HSF2BP: variants seen among roughly 807,000 people sequenced by gnomAD.
The protein encoded by HSF2BP is heat shock factor 2-binding protein.
A neutral mutation model predicts 35.0 loss-of-function variants in HSF2BP; 35 were observed. The ratio of observed to expected loss-of-function variants is 1.00; its 90% CI spans 0.76 to 1.32. The LOEUF (loss-of-function observed/expected upper bound fraction) is 1.32. Ranked by LOEUF, HSF2BP falls within the 40% of genes most tolerant of loss-of-function variation. HSF2BP has a pLI of 0.00. For missense variants in HSF2BP, 326 were observed against 321.7 expected (o/e 1.01, Z -0.10); for synonymous variants, 114 against 117.4 (o/e 0.97, Z 0.18).
chr21:43,614,214 A>T (rs2082243769), intron 6 of HSF2BP, among the ~76,000 whole-genome samples: 1 of 151,996 alleles, frequency 6.6e-6, no homozygotes, highest in South Asian at 2.1e-4. Flanking sequence ...AAATTTAAAA[A>T]TTAGCCGGGC....
At chr21:43,604,217 C>CACACCACA (rs2082085794) in intron 7 of HSF2BP, among the ~76,000 whole-genome samples, 1 of 147,326 alleles carries the variant, frequency 6.8e-6, no homozygotes, top group Non-Finnish European at 1.5e-5. Context: ...CACCACAGCA[C>CACACCACA]ACAGCACACA....
chr21:43,633,178 T>A, intron 5 of HSF2BP, 94 bp downstream of exon 5: 1 of 1,327,074 alleles, frequency 7.5e-7, no homozygotes, highest in Non-Finnish European at 1.0e-6. Context: ...TGGAAAGATA[T>A]GGACTTAGTC....
intron 6 of HSF2BP, 103 bp from the exon 7 acceptor site, chr21:43,614,050 A>G (rs967981379): frequency 3.7e-6 from 3 of 806,296 alleles, no homozygotes; most frequent in East Asian, 2.6e-5. Flanking sequence ...TAATGAAAAC[A>G]CAGCTGAAAA....
intron 8 of HSF2BP, among the ~76,000 whole-genome samples, chr21:43,581,413 A>T (rs1568883782): frequency 6.6e-6 from 1 of 151,872 alleles, no homozygotes; most frequent in African/African-American, 2.4e-5. Context: ...GAAAAGAAAG[A>T]AGGATAAAAG....
At chr21:43,647,552 G>A (rs1203534175) in intron 3 of HSF2BP, among the ~76,000 whole-genome samples, 1 of 152,092 alleles carries the variant, frequency 6.6e-6, no homozygotes, top group African/African-American at 2.4e-5. Flanking sequence ...CTTAATACAG[G>A]TCTAATAACA....
intron 7 of HSF2BP, among the ~76,000 whole-genome samples, chr21:43,599,867 CAA>C (rs11379827): frequency 1.2e-4 from 16 of 132,480 alleles, no homozygotes; most frequent in Admixed American, 2.3e-4. Context: ...CTTCCAATGA[CAA>C]AAAAAAAAAA....
chr21:43,647,184 T>C (rs2082719895), intron 3 of HSF2BP, among the ~76,000 whole-genome samples: 1 of 152,174 alleles, frequency 6.6e-6, no homozygotes, highest in Admixed American at 6.5e-5. Context: ...GAACAGTGAA[T>C]ATTACAAACA....
chr21:43,574,604 G>A (rs548493805), intron 8 of HSF2BP, among the ~76,000 whole-genome samples: 18 of 152,218 alleles, frequency 1.2e-4, no homozygotes, highest in South Asian at 2.1e-4. Context: ...TGATCCGCCC[G>A]CCTCGGCCTC....
Position 43,659,198 on chromosome 21 carries a change from G to A in HSF2BP, c.-225+188C>T, listed in dbSNP as rs1452919539. On this transcript the variant is annotated intron_variant, in intron 1 of 8. Transcript: ENST00000291560. This position sits in a 1 kb window ranked among gnomAD's most constrained non-coding sequence, Gnocchi z 4.2. The stretch of plus-strand genomic sequence containing the variant: ...TGTAGTCTCAGCTACTTGGGCGGTC[G>A]AGATGGGAGGATCGATCGAGTCTGG... Among the ~76,000 whole-genome samples, 1 of 152,048 alleles carries A rather than the reference G, an allele frequency of 6.6e-6. No homozygotes were observed. The highest frequency in any genetic ancestry group is 1.5e-5 in the Non-Finnish European group (1 of 68,006).
chr21:43,647,257 C>T (rs573569305), intron 3 of HSF2BP, among the ~76,000 whole-genome samples: 7 of 151,762 alleles, frequency 4.6e-5, no homozygotes, highest in African/African-American at 1.7e-4. Flanking sequence ...TTTTTTTCCC[C>T]GAGACGGTGT....
At chr21:43,579,240 C>T (rs887504509) in intron 8 of HSF2BP, among the ~76,000 whole-genome samples, 2 of 152,194 alleles carry the variant, frequency 1.3e-5, no homozygotes, top group Non-Finnish European at 2.9e-5. Flanking sequence ...CCTAAACACC[C>T]AGATCCTTCA....
intron 2 of HSF2BP, among the ~76,000 whole-genome samples, chr21:43,657,577 C>A (rs2082890141): frequency 6.6e-6 from 1 of 152,240 alleles, no homozygotes; most frequent in Non-Finnish European, 1.5e-5. Context: ...ACTCTCAATG[C>A]AGCACAATTA....
At chr21:43,612,777 G>A (rs1247517360) in intron 7 of HSF2BP, among the ~76,000 whole-genome samples, 2 of 152,062 alleles carry the variant, frequency 1.3e-5, no homozygotes, top group Non-Finnish European at 2.9e-5. Context: ...GCCAGCCTAG[G>A]CAAGGTCTGT....
At chr21:43,632,757 G>A (rs897830034) in intron 5 of HSF2BP, among the ~76,000 whole-genome samples, 2 of 152,190 alleles carry the variant, frequency 1.3e-5, no homozygotes, top group African/African-American at 2.4e-5. Context: ...AACGATTTAT[G>A]TTGTCAGTAA....
At chr21:43,607,055 A>G (rs968982151) in intron 7 of HSF2BP, among the ~76,000 whole-genome samples, 2 of 152,066 alleles carry the variant, frequency 1.3e-5, no homozygotes, top group Non-Finnish European at 2.9e-5. Context: ...GGGAAGAGCC[A>G]AGGAAGGCGG....
intron 7 of HSF2BP, among the ~76,000 whole-genome samples, chr21:43,612,650 CAAAAAA>C (rs762585967): frequency 3.9e-5 from 3 of 76,520 alleles, no homozygotes; most frequent in Middle Eastern, 7.6e-3. Context: ...GACTCCGTCT[CAAAAAA>C]AAAAAAAAAA....
chr21:43,575,522 T>TA (rs2081632057), intron 8 of HSF2BP, among the ~76,000 whole-genome samples: 1 of 152,240 alleles, frequency 6.6e-6, no homozygotes, highest in Non-Finnish European at 1.5e-5. Context: ...AAAAATAACT[T>TA]ACACTTGACT....
intron 8 of HSF2BP, among the ~76,000 whole-genome samples, chr21:43,586,847 C>T (rs986116855): frequency 2.0e-5 from 3 of 151,922 alleles, no homozygotes; most frequent in East Asian, 1.9e-4. Context: ...GTTGCCCAGA[C>T]TGAAGTGCAG....
chr21:43,605,141 C>T (rs2082116614), intron 7 of HSF2BP, among the ~76,000 whole-genome samples: 2 of 150,954 alleles, frequency 1.3e-5, no homozygotes, highest in African/African-American at 4.9e-5. Context: ...ACCACACACA[C>T]ATCAGACACA....
Sources: gnomAD v4.1 joint callset for allele counts (sites outside exome capture counted in the v4.1 genomes callset) on GRCh38, gnomAD v4.1.1 for gene constraint, Gnocchi (gnomAD v3.1) non-coding constraint, MANE v1.5 for transcripts, NCBI Gene and HGNC (gene_info 2026-07-23, HGNC 2026-07-21) for gene names.